The following FMNL3 variants were observed in gnomAD, a reference collection of about 807,000 sequenced individuals.
FMNL3 encodes the protein formin like 3, also known as formin-like protein 3.
In FMNL3, 57 loss-of-function variants were observed where a neutral mutation model predicts 119.6. The ratio of observed to expected loss-of-function variants is 0.48; its 90% CI spans 0.39 to 0.59. The LOEUF is 0.59. Among genes scored for constraint, FMNL3 ranks in the 20% least tolerant of loss-of-function variants. FMNL3 has a pLI of 0.00. For missense variants in FMNL3, 1,053 were observed against 1,323.5 expected (o/e 0.80, Z 3.17); for synonymous variants, 491 against 507.3 (o/e 0.97, Z 0.43).
At chr12:49,678,542 A>G (rs542324362) in intron 1 of FMNL3, among the ~76,000 whole-genome samples, 5 of 152,204 alleles carry the variant, frequency 3.3e-5, no homozygotes, top group African/African-American at 9.6e-5. Context: ...GGCTCACTGC[A>G]GCCTCGACCT....
chr12:49,667,693 C>T (rs1380209293), intron 2 of FMNL3, among the ~76,000 whole-genome samples: 1 of 152,160 alleles, frequency 6.6e-6, no homozygotes, highest in Admixed American at 6.5e-5. Context: ...AGTACTTGGT[C>T]CATAACAAGC....
chr12:49,650,851 A>T lies in FMNL3; in HGVS notation c.1825T>A (p.Leu609Ile). Residue 609 changes from leucine to isoleucine, a missense_variant, in exon 17 of 26, where the codon TTA becomes ATA. By Grantham distance (5) the Leu-to-Ile change is conservative. Coordinates refer to ENST00000335154, the MANE Select transcript of FMNL3 (RefSeq NM_175736.5). ...EDLDLDKFEE[L>I]FKTKAQGPAL... ...GGGCCCTGCGCTTTTGTCTTGAATA[A>T]TTCTTCAAACTTATCAAGATCCAGG... The T allele has an allele frequency of 6.2e-7, 1 of 1,614,178 alleles. No homozygotes were observed. Among genetic ancestry groups the T allele is most frequent in the Non-Finnish European group, 8.5e-7 (1 of 1,180,016 alleles).
In FMNL3 at chr12:49,636,936, G is replaced by A. The variant is rs182897573; in HGVS notation, c.*8879C>T. 697 of 1,583,310 alleles carry A rather than the reference G, an allele frequency of 4.4e-4. 11 individuals are homozygous for A. The South Asian group carries it at 7.1e-3, about 16-fold the overall frequency. On this transcript the variant is annotated 3_prime_UTR_variant, in exon 26 of 26. Transcript: ENST00000335154. Reference sequence around the variant, plus strand: ...CCATTCCCTGCCCCCTTCTGGATACGCTGCCTGTTCTTTCTGTGCCTAGCC... The same window carrying A: ...CCATTCCCTGCCCCCTTCTGGATACACTGCCTGTTCTTTCTGTGCCTAGCC...
In FMNL3 at chr12:49,637,043, G is replaced by C. The variant is rs1941917319; in HGVS notation, c.*8772C>G. On this transcript the variant is annotated 3_prime_UTR_variant, in exon 26 of 26. Transcript: ENST00000335154. Reference sequence around the variant, plus strand: ...TCAATTCTGGACTGTGCTCTTCTAGGGAGACTAGATGTATGCACCACCCAG... The same window carrying C: ...TCAATTCTGGACTGTGCTCTTCTAGCGAGACTAGATGTATGCACCACCCAG... 4.8e-6 allele frequency: 4 copies of C among 836,572 alleles called. No homozygotes were observed. In the South Asian group the frequency reaches 7.0e-5, roughly 15 times the overall value. 51.8% of individuals were successfully genotyped at this position (836,572 alleles called of 1,614,324 possible).
At chr12:49,691,568 C>T (rs1487465656) in intron 1 of FMNL3, among the ~76,000 whole-genome samples, 2 of 152,130 alleles carry the variant, frequency 1.3e-5, no homozygotes, top group African/African-American at 4.8e-5. Flanking sequence ...ACAGCTTCAG[C>T]GCAAAAGAGC....
intron 1 of FMNL3, among the ~76,000 whole-genome samples, chr12:49,681,224 G>A (rs778640291): frequency 1.2e-4 from 19 of 152,182 alleles, no homozygotes; most frequent in African/African-American, 3.9e-4. Flanking sequence ...TTTTTGAGAC[G>A]GAGTCTCGCT....
At chr12:49,656,974 G>C in intron 7 of FMNL3, 75 bp from the exon 8 acceptor site, 4 of 1,528,026 alleles carry the variant, frequency 2.6e-6, no homozygotes, top group Non-Finnish European at 3.6e-6. Context: ...CTTGACCGTA[G>C]GCCCACCAGC....
In FMNL3 at chr12:49,642,779, G is replaced by A; in HGVS notation, c.*3036C>T. 1 of 1,445,158 alleles carries A rather than the reference G, an allele frequency of 6.9e-7. No homozygotes were observed. The highest frequency in any genetic ancestry group is 1.8e-4 in the Middle Eastern group (1 of 5,696). The allele number at this position is 1,445,158 out of a possible 1,614,324, so 89.5% of individuals were successfully genotyped here. A position where few individuals can be genotyped will look rare whatever the true frequency, so the allele number is the denominator to read the frequency against. On this transcript the variant is annotated 3_prime_UTR_variant, in exon 26 of 26. Transcript: ENST00000335154. This position sits in a 1 kb window ranked among gnomAD's most constrained non-coding sequence, Gnocchi z 5.8. ...CCCTCTTACCCTTAGGGCACTCCTG[G>A]CCAGCTAAGGAAGGGGAGGCCTGAG...
Position 49,644,072 on chromosome 12 carries a change from A to T in FMNL3, c.*1743T>A. On this transcript the variant is annotated 3_prime_UTR_variant, in exon 26 of 26. Transcript: ENST00000335154. The stretch of plus-strand genomic sequence containing the variant: ...CTTCCACGGCCCTTAGTGCAGGCTA[A>T]GGGTGAACTGTGCCTTTGCTCCAAC... 6.2e-7 allele frequency: 1 copy of T among 1,614,204 alleles called. No homozygotes were observed. Among genetic ancestry groups the T allele is most frequent in the African/African-American group, 1.3e-5 (1 of 75,062 alleles).
chr12:49,652,221 C>CA lies in FMNL3; in HGVS notation c.1324-10dup, dbSNP rs1943426602. 6.2e-7 allele frequency: 1 copy of CA among 1,609,606 alleles called. No individual in the cohort carries two copies. Among genetic ancestry groups the CA allele is most frequent in the Non-Finnish European group, 8.5e-7 (1 of 1,178,082 alleles). ...GTGTTCTCATATGTCTCCTGGCAGG[C>CA]AGACAGCACCATTAAGGGAAAAGTG... is the stretch of plus-strand genomic sequence containing the variant. On this transcript the variant is annotated splice_polypyrimidine_tract_variant and intron_variant, in intron 13 of 25. Coordinates refer to ENST00000335154, the MANE Select transcript of FMNL3 (RefSeq NM_175736.5).
chr12:49,647,029 G>A lies in FMNL3; in HGVS notation c.2872-20C>T, dbSNP rs1943221579. ...TGGGGTCTAGGGCCAAGAATGTGGA[G>A]GGGAAGGAAGTCATCACTAACCTAA... On this transcript the variant is annotated intron_variant, in intron 24 of 25. Coordinates refer to ENST00000335154, the MANE Select transcript of FMNL3 (RefSeq NM_175736.5). The surrounding 1 kb of genome is among the most constrained non-coding windows in gnomAD (Gnocchi z 4.9). 6.5e-7 allele frequency: 1 copy of A among 1,536,598 alleles called. No homozygotes were observed. The highest frequency in any genetic ancestry group is 1.9e-5 in the Admixed American group (1 of 54,014).
At chr12:49,677,862 T>C (rs1221934795) in intron 1 of FMNL3, among the ~76,000 whole-genome samples, 6 of 152,186 alleles carry the variant, frequency 3.9e-5, no homozygotes, top group Admixed American at 3.3e-4. Context: ...ACAGGATTTA[T>C]TTTATTATTA....
At chr12:49,660,043 G>A in intron 5 of FMNL3, 1 of 786,576 alleles carries the variant, frequency 1.3e-6, no homozygotes, top group Non-Finnish European at 1.5e-6. Context: ...ATCAGGAGGT[G>A]TTTAATGGGG....
In FMNL3 at chr12:49,642,864, G is replaced by C. The variant is rs747709059; in HGVS notation, c.*2951C>G. Reference sequence around the variant, plus strand: ...AAAGGGAGGCAAAGCCAGATTTTAGGAAGTAGGATCCTTCCTGGGGCTAAG... The same window carrying C: ...AAAGGGAGGCAAAGCCAGATTTTAGCAAGTAGGATCCTTCCTGGGGCTAAG... On this transcript the variant is annotated 3_prime_UTR_variant, in exon 26 of 26. Transcript: ENST00000335154. The surrounding 1 kb of genome is among the most constrained non-coding windows in gnomAD (Gnocchi z 5.8). 27 of 1,535,322 alleles carry C rather than the reference G, an allele frequency of 1.8e-5. No homozygotes were observed. The highest frequency in any genetic ancestry group is 2.3e-5 in the Non-Finnish European group (26 of 1,128,262).
intron 1 of FMNL3, among the ~76,000 whole-genome samples, chr12:49,690,428 A>G (rs988629038): frequency 6.6e-6 from 1 of 152,208 alleles, no homozygotes; most frequent in Admixed American, 6.5e-5. Context: ...TTGCCTTCCA[A>G]GAATATATCA....
chr12:49,695,439 T>C (rs1411598240), intron 1 of FMNL3, among the ~76,000 whole-genome samples: 1 of 152,178 alleles, frequency 6.6e-6, no homozygotes, highest in Admixed American at 6.5e-5. Flanking sequence ...AGGCCTAAGT[T>C]AGTGACATTT....
At chr12:49,697,578 CA>C (rs1425841959) in intron 1 of FMNL3, among the ~76,000 whole-genome samples, 3 of 152,186 alleles carry the variant, frequency 2.0e-5, no homozygotes, top group African/African-American at 7.2e-5. Context: ...GTATGATAAT[CA>C]AAACATCCTC....
In FMNL3 at chr12:49,642,819, G is replaced by C; in HGVS notation, c.*2996C>G. 2.1e-6 allele frequency: 3 copies of C among 1,432,132 alleles called. No individual in the cohort carries two copies. Among genetic ancestry groups the C allele is most frequent in the Non-Finnish European group, 2.9e-6 (3 of 1,041,308 alleles). The allele number at this position is 1,432,132 out of a possible 1,614,324, so 88.7% of individuals were successfully genotyped here. A position where few individuals can be genotyped will look rare whatever the true frequency, so the allele number is the denominator to read the frequency against. On this transcript the variant is annotated 3_prime_UTR_variant, in exon 26 of 26. Transcript: ENST00000335154. This position sits in a 1 kb window ranked among gnomAD's most constrained non-coding sequence, Gnocchi z 5.8. ...GGAGGCCTGAGGATCCCTGGGATAG[G>C]CAGAAGGCTCTAGTCTGAGAAAGGG...
At position 49,668,563 on chromosome 12, in the gene FMNL3, AG is replaced by A; in HGVS notation, c.127-10del. On this transcript the variant is annotated splice_polypyrimidine_tract_variant and intron_variant, in intron 1 of 25. Transcript: ENST00000335154. ...GGCAGGTTCATGGAGCTCTGAGGAG[AG>A]AACCTGAGTCAACAAGGCTGAAACC... is the stretch of plus-strand genomic sequence containing the variant. 2 of 1,613,798 alleles carry A rather than the reference AG, an allele frequency of 1.2e-6. No homozygotes were observed. Among genetic ancestry groups the A allele is most frequent in the Non-Finnish European group, 1.7e-6 (2 of 1,179,756 alleles).
Sources: gnomAD v4.1 joint callset for allele counts (sites outside exome capture counted in the v4.1 genomes callset) on GRCh38, gnomAD v4.1.1 for gene constraint, Gnocchi (gnomAD v3.1) non-coding constraint, MANE v1.5 for transcripts, NCBI Gene and HGNC (gene_info 2026-07-23, HGNC 2026-07-21) for gene names.